TG: variants seen among roughly 807,000 people sequenced by gnomAD.
TG encodes the protein thyroglobulin.
A neutral mutation model predicts 324.7 loss-of-function variants in TG; 270 were observed. The observed-to-expected ratio is 0.83, with a 90% CI of 0.75 to 0.92. The LOEUF (loss-of-function observed/expected upper bound fraction) is 0.92, where lower values mean the gene tolerates loss of function less well. Among genes scored for constraint, TG ranks in the 40% least tolerant of loss-of-function variants. The pLI is 0.00. For synonymous variants in TG, 1,401 were observed against 1,327.0 expected (o/e 1.06, Z -1.21); for missense variants, 3,591 against 3,456.4 (o/e 1.04, Z -0.98).
intron 45 of TG, among the ~76,000 whole-genome samples, chr8:133,117,862 C>A (rs1364675797): frequency 6.6e-6 from 1 of 152,206 alleles, no homozygotes; most frequent in Non-Finnish European, 1.5e-5. Flanking sequence ...GGTCCAGCCA[C>A]ACCATATACC....
At chr8:132,892,973 ATGTGTGTGGTTG>A (rs996006648) in intron 10 of TG, among the ~76,000 whole-genome samples, 1 of 122,796 alleles carries the variant, frequency 8.1e-6, no homozygotes, top group African/African-American at 3.2e-5. Context: ...TGTGGTGTGT[ATGTGTGTGGTTG>A]TGTGTATGGT....
intron 35 of TG, among the ~76,000 whole-genome samples, chr8:133,008,565 A>T (rs1834223608): frequency 6.6e-6 from 1 of 152,206 alleles, no homozygotes. Context: ...TCAGGAAAAG[A>T]CTCACACTTT....
chr8:132,891,094 G>A lies in TG; in HGVS notation c.2761+2526G>A, dbSNP rs183837470. ...GTACGTGGAAAATGCGGTGGAGGGC[G>A]CTCAGAGAAAGGGGCTACTAACTCA... is the stretch of plus-strand genomic sequence containing the variant. On this transcript the variant is annotated intron_variant, in intron 10 of 47. Transcript: ENST00000220616. 8.5e-5 allele frequency among the ~76,000 whole-genome samples: 13 copies of A among 152,228 alleles called. No individual in the cohort carries two copies. The East Asian group carries it at 2.3e-3, about 27-fold the overall frequency.
chr8:133,022,951 T>C (rs1356625481), intron 40 of TG, among the ~76,000 whole-genome samples: 5 of 152,208 alleles, frequency 3.3e-5, no homozygotes, highest in Non-Finnish European at 5.9e-5. Context: ...TCCAAAGTTA[T>C]GAGGAGGCTT....
intron 41 of TG, chr8:133,048,931 G>A (rs955198375): frequency 3.1e-5 from 9 of 294,004 alleles, no homozygotes; most frequent in Non-Finnish European, 6.2e-5. Context: ...GGCATGTAGA[G>A]TCCTCTGGAC....
intron 41 of TG, among the ~76,000 whole-genome samples, chr8:133,042,708 T>G (rs1838525574): frequency 7.5e-6 from 1 of 133,822 alleles, no homozygotes; most frequent in Non-Finnish European, 1.6e-5. Context: ...TTTTTTTTTT[T>G]TGTGAGATGG....
chr8:133,000,427 C>T (rs1833345507), intron 35 of TG, among the ~76,000 whole-genome samples: 1 of 152,218 alleles, frequency 6.6e-6, no homozygotes, highest in East Asian at 1.9e-4. Flanking sequence ...TAAAACTGTT[C>T]CTGTTCACAA....
Position 132,871,367 on chromosome 8 carries a change from A to G in TG, c.294A>G (p.Leu98=). 6.2e-7 allele frequency: 1 copy of G among 1,614,206 alleles called. No homozygotes were observed. Among genetic ancestry groups the G allele is most frequent in the Non-Finnish European group, 8.5e-7 (1 of 1,180,036 alleles). The change falls in exon 4 of 48, where the codon CTA becomes CTG. Residue 98 remains leucine (L), a synonymous_variant. Coordinates refer to ENST00000220616, the MANE Select transcript of TG (RefSeq NM_003235.5). ...RPVACLSFCQ[L]QKQQILLSGY... is the part of the protein sequence containing the mutation. ...CCACAGGTCTGTCATTTTGTCAGCT[A>G]CAGAAACAGCAGATCTTACTGAGTG...
At chr8:133,080,627 T>C (rs968039130) in intron 41 of TG, among the ~76,000 whole-genome samples, 1 of 152,152 alleles carries the variant, frequency 6.6e-6, no homozygotes, top group African/African-American at 2.4e-5. Flanking sequence ...CTTCACCCCT[T>C]TCCTGGCATT....
chr8:133,093,469 G>T (rs1192446512), intron 41 of TG, among the ~76,000 whole-genome samples: 4 of 152,118 alleles, frequency 2.6e-5, no homozygotes, highest in Non-Finnish European at 5.9e-5. Context: ...TTGTCTAAGC[G>T]GTTAAGGACA....
intron 41 of TG, among the ~76,000 whole-genome samples, chr8:133,092,548 C>G (rs1373589000): frequency 1.3e-5 from 2 of 152,198 alleles, no homozygotes; most frequent in South Asian, 2.1e-4. Context: ...ACAGCTCCCA[C>G]TGTGCAGAGG....
At chr8:132,900,789 C>G (rs1233895329) in intron 15 of TG, among the ~76,000 whole-genome samples, 1 of 152,206 alleles carries the variant, frequency 6.6e-6, no homozygotes, top group Non-Finnish European at 1.5e-5. Flanking sequence ...CTCGAGGGCC[C>G]TTTGCATCTG....
At chr8:132,957,764 C>CACACACACACACACACACACACACAG (rs1564002673) in intron 27 of TG, among the ~76,000 whole-genome samples, 1 of 135,294 alleles carries the variant, frequency 7.4e-6, no homozygotes, top group African/African-American at 3.1e-5. Flanking sequence ...CACACACACA[C>CACACACACACACACACACACACACAG]ACACACACAC....
chr8:132,972,814 A>G (rs1403487), intron 34 of TG, 73 bp downstream of exon 34: 318,660 of 1,583,880 alleles, frequency 0.2, 35,090 homozygotes, highest in Middle Eastern at 0.25. Flanking sequence ...TTAGGACAAT[A>G]TTCTTGGATT....
chr8:133,027,721 G>C (rs1228432242), intron 40 of TG, among the ~76,000 whole-genome samples: 2 of 152,234 alleles, frequency 1.3e-5, no homozygotes, highest in African/African-American at 4.8e-5. Flanking sequence ...TTCAACAAAT[G>C]TTTATTGAAT....
Position 132,883,002 on chromosome 8 carries a change from G to A in TG, c.1075+3G>A. ...GCAAGGGGAGCCGCCATCTTGTGGT[G>A]GGTTTCCTCTGGGGGCTTCCTCTTT... On this transcript the variant is annotated splice_donor_region_variant and intron_variant, in intron 8 of 47. Coordinates refer to ENST00000220616, the MANE Select transcript of TG (RefSeq NM_003235.5). 2 of 1,613,580 alleles carry A rather than the reference G, an allele frequency of 1.2e-6. No individual in the cohort carries two copies. Among genetic ancestry groups the A allele is most frequent in the Non-Finnish European group, 1.7e-6 (2 of 1,179,874 alleles).
Position 133,134,795 on chromosome 8 carries a change from C to A in TG, c.*1C>A, listed in dbSNP as rs1232563654. ...AGGCTCTAAGACCTACAGCAAGTGA[C>A]CAGCCCTTGAGCTCCCCAAAAACCT... On this transcript the variant is annotated 3_prime_UTR_variant, in exon 48 of 48. Coordinates refer to ENST00000220616, the MANE Select transcript of TG (RefSeq NM_003235.5). 6 of 1,613,350 alleles carry A rather than the reference C, an allele frequency of 3.7e-6. No homozygotes were observed.
chr8:133,029,583 A>T (rs1267814701), intron 40 of TG, among the ~76,000 whole-genome samples: 1 of 152,194 alleles, frequency 6.6e-6, no homozygotes, highest in Non-Finnish European at 1.5e-5. Flanking sequence ...GGAGAGGTAC[A>T]AGAACATGAT....
intron 27 of TG, among the ~76,000 whole-genome samples, chr8:132,949,192 G>T (rs1459823884): frequency 6.6e-6 from 1 of 152,230 alleles, no homozygotes; most frequent in Non-Finnish European, 1.5e-5. Flanking sequence ...GGGCAAGTCT[G>T]CTGCTCTCAA....
Sources: gnomAD v4.1 joint callset for allele counts (sites outside exome capture counted in the v4.1 genomes callset) on GRCh38, gnomAD v4.1.1 for gene constraint, MANE v1.5 for transcripts, NCBI Gene and HGNC (gene_info 2026-07-23, HGNC 2026-07-21) for gene names.